PCDHGA3: variants seen among roughly 807,000 people sequenced by gnomAD.
The protein encoded by PCDHGA3 is protocadherin gamma subfamily A, 3.
PCDHGA3 carries 40 observed loss-of-function variants against 58.5 expected under a neutral mutation model. That is an observed-to-expected ratio of 0.68 (90% CI 0.53 to 0.89). The LOEUF is 0.89. Ranked by LOEUF, PCDHGA3 falls within the 40% of genes least tolerant of loss-of-function variation. The pLI, the probability that PCDHGA3 is intolerant of heterozygous loss-of-function variation, is 0.00. For missense variants in PCDHGA3, 1,223 were observed against 1,195.9 expected, an observed-to-expected ratio of 1.02 and a Z score of -0.33; for synonymous variants, 530 against 525.7, an observed-to-expected ratio of 1.01 and a Z score of -0.11.
rs377438861 is a variant in PCDHGA3, at chr5:141,364,705, T to G, written c.2424+18248T>G. The G allele has an allele frequency of 8.1e-6, 13 of 1,613,854 alleles. No individual in the cohort carries two copies. The highest frequency in any genetic ancestry group is 6.8e-6 in the Non-Finnish European group (8 of 1,179,894). Reference sequence around the variant, plus strand: ...ATGGAGTAGAAGTAGAAATAATCGATATTAATGATAACTTCCCGCGTTTCC... The same window carrying G: ...ATGGAGTAGAAGTAGAAATAATCGAGATTAATGATAACTTCCCGCGTTTCC... On this transcript the variant is annotated intron_variant, in intron 1 of 3. Transcript: ENST00000253812.
Position 141,389,814 on chromosome 5 carries a change from G to C in PCDHGA3, c.2424+43357G>C, listed in dbSNP as rs753211260. 2.0e-5 allele frequency: 32 copies of C among 1,613,868 alleles called. No individual in the cohort carries two copies. In the Admixed American group the frequency reaches 5.0e-4, roughly 25 times the overall value. ...CGTCCGCCAGCGCCTTCTGGTCGCCGTGCGTGACGGTGGACAGCCACCACT... is the reference window on the plus strand; with the variant it reads ...CGTCCGCCAGCGCCTTCTGGTCGCCCTGCGTGACGGTGGACAGCCACCACT... On this transcript the variant is annotated intron_variant, in intron 1 of 3. Transcript: ENST00000253812.
At chr5:141,424,682 C>A (rs1421088073) in intron 1 of PCDHGA3, 1 of 152,062 alleles carries the variant, frequency 6.6e-6, no homozygotes, top group Non-Finnish European at 1.5e-5. Flanking sequence ...AGCTAGTATC[C>A]TTCTGGCTAT....
intron 1 of PCDHGA3, chr5:141,376,828 A>T (rs986272669): frequency 7.4e-6 from 2 of 269,538 alleles, no homozygotes; most frequent in African/African-American, 4.6e-5. Context: ...CTGGGACTAC[A>T]GGCGCCCGCC....
chr5:141,433,286 T>C (rs2097581877), intron 1 of PCDHGA3: 2 of 1,143,608 alleles, frequency 1.7e-6, no homozygotes, highest in African/African-American at 1.6e-5. Flanking sequence ...CTCAAACTCC[T>C]AGGCTCAAGC....
intron 1 of PCDHGA3, chr5:141,421,043 C>T (rs1201118615): frequency 5.5e-6 from 3 of 548,238 alleles, no homozygotes; most frequent in African/African-American, 3.9e-5. Flanking sequence ...CCTCCCTCCC[C>T]CGCCTCTACC....
rs776812616 is a variant in PCDHGA3, at chr5:141,346,340, T to C, written c.2307T>C (p.Ile769=). Residue 769 remains isoleucine (I), a synonymous_variant, in exon 1 of 4, where the codon ATT becomes ATC. Coordinates refer to ENST00000253812, the MANE Select transcript of PCDHGA3 (RefSeq NM_018916.4). Reference sequence around the variant, plus strand: ...CGGACTCGCGGAAGAGCCACCTGATTTTCCCCCAGCCCAACTATGCGGACA... The same window carrying C: ...CGGACTCGCGGAAGAGCCACCTGATCTTCCCCCAGCCCAACTATGCGGACA... The part of the protein sequence containing the change: ...LTADSRKSHL[I]FPQPNYADTL... 1.2e-6 allele frequency: 2 copies of C among 1,614,128 alleles called. No homozygotes were observed. The highest frequency in any genetic ancestry group is 1.7e-6 in the Non-Finnish European group (2 of 1,180,026).
intron 1 of PCDHGA3, chr5:141,414,350 C>G (rs1450829111): frequency 6.2e-7 from 1 of 1,613,726 alleles, no homozygotes; most frequent in East Asian, 2.2e-5. Context: ...TCCATTTTGG[C>G]GTATCTACCA....
rs758065876 is a variant in PCDHGA3 at position 141,422,916 on chromosome 5, C to A, written c.2425-71891C>A. 5.6e-6 allele frequency: 9 copies of A among 1,614,260 alleles called. No homozygotes were observed. In the South Asian group the frequency reaches 9.9e-5, roughly 18 times the overall value. ...ACCAGAACGACAATGCGCCCGAGAT[C>A]CTGTACCCTGCCCTCCCCACAGACG... On this transcript the variant is annotated intron_variant, in intron 1 of 3. Coordinates refer to ENST00000253812, the MANE Select transcript of PCDHGA3 (RefSeq NM_018916.4).
intron 1 of PCDHGA3, chr5:141,410,800 T>A: frequency 1.5e-6 from 1 of 678,550 alleles, no homozygotes; most frequent in Non-Finnish European, 2.2e-6. Context: ...TAAGTTGCTC[T>A]ATCTTTTTGT....
chr5:141,351,350 C>T lies in PCDHGA3; in HGVS notation c.2424+4893C>T, dbSNP rs868438981. On this transcript the variant is annotated intron_variant, in intron 1 of 3. Transcript: ENST00000253812. ...TTCAGACCTTGGAACTGTAATAGCC[C>T]TCATAAAAGTGCGAGACAAGGATTC... is the stretch of plus-strand genomic sequence containing the variant. 5.6e-6 allele frequency: 9 copies of T among 1,613,300 alleles called. No individual in the cohort carries two copies. The highest frequency in any genetic ancestry group is 5.3e-5 in the African/African-American group (4 of 75,036).
chr5:141,380,753 C>T (rs976627974), intron 1 of PCDHGA3, among the ~76,000 whole-genome samples: 2 of 152,104 alleles, frequency 1.3e-5, no homozygotes, highest in Non-Finnish European at 2.9e-5. Context: ...GGTACCAAGA[C>T]ACTATAAATT....
Position 141,450,830 on chromosome 5 carries a change from T to TTA in PCDHGA3, c.2425-43976_2425-43975insAT, listed in dbSNP as rs200967731. 4.3e-3 allele frequency among the ~76,000 whole-genome samples: 438 copies of TTA among 101,540 alleles called. 3 individuals carry two copies. Among genetic ancestry groups the TTA allele is most frequent in the African/African-American group, 0.015 (349 of 23,046 alleles). 66.6% of individuals were successfully genotyped at this position (101,540 alleles called of 152,430 possible). ...TATTTATTTAATATTATTATTATTA[T>TTA]TTTTTTTTTTTTGAGATGGGGTCTT... On this transcript the variant is annotated intron_variant, in intron 1 of 3. Transcript: ENST00000253812.
At chr5:141,502,019 G>A (rs1454981730) in intron 2 of PCDHGA3, among the ~76,000 whole-genome samples, 1 of 152,008 alleles carries the variant, frequency 6.6e-6, no homozygotes, top group African/African-American at 2.4e-5. Flanking sequence ...TCTCCTCCCT[G>A]CAACCCCCGC....
In PCDHGA3 at chr5:141,418,027, T is replaced by C. The variant is rs536104184; in HGVS notation, c.2424+71570T>C. On this transcript the variant is annotated intron_variant, in intron 1 of 3. Coordinates refer to ENST00000253812, the MANE Select transcript of PCDHGA3 (RefSeq NM_018916.4). ...GGAACCTCGCTAAGGATCTAGGGCT[T>C]AGTGTCCTGGATGTGTCGGCTCGCG... is the stretch of plus-strand genomic sequence containing the variant. 144 of 1,613,732 alleles carry C rather than the reference T, an allele frequency of 8.9e-5. No homozygotes were observed. The East Asian group carries it at 1.2e-3, about 14-fold the overall frequency.
chr5:141,469,830 A>G (rs184478661), intron 1 of PCDHGA3, among the ~76,000 whole-genome samples: 1 of 152,124 alleles, frequency 6.6e-6, no homozygotes, highest in African/African-American at 2.4e-5. Flanking sequence ...GGTCACATAA[A>G]ACTTATTCTT....
At chr5:141,416,400 C>CT (rs1028319330) in intron 1 of PCDHGA3, 1 of 152,036 alleles carries the variant, frequency 6.6e-6, no homozygotes, top group African/African-American at 2.4e-5. Flanking sequence ...CTGCTTTTGT[C>CT]TTTTTTGTTA....
At chr5:141,347,899 G>A (rs1758036119) in intron 1 of PCDHGA3, among the ~76,000 whole-genome samples, 1 of 152,112 alleles carries the variant, frequency 6.6e-6, no homozygotes, top group Admixed American at 6.6e-5. Flanking sequence ...CATTTTGCCT[G>A]AGGGTGGAAA....
At chr5:141,357,586 G>T (rs745537699) in intron 1 of PCDHGA3, 3 of 1,614,126 alleles carry the variant, frequency 1.9e-6, no homozygotes, top group East Asian at 4.5e-5. Flanking sequence ...GATAACTCAG[G>T]ATTTACTTGA....
chr5:141,407,473 G>A (rs753514459), intron 1 of PCDHGA3, among the ~76,000 whole-genome samples: 4 of 145,182 alleles, frequency 2.8e-5, no homozygotes, highest in Non-Finnish European at 4.6e-5. Context: ...ATGACTGAAT[G>A]GAGTATGGAA....
Sources: gnomAD v4.1 joint callset for allele counts (sites outside exome capture counted in the v4.1 genomes callset) on GRCh38, gnomAD v4.1.1 for gene constraint, MANE v1.5 for transcripts, NCBI Gene and HGNC (gene_info 2026-07-23, HGNC 2026-07-21) for gene names.